The following DNM1 variants were observed in gnomAD, a reference collection of about 807,000 sequenced individuals.
DNM1 encodes the protein dynamin 1, also known as dynamin-1.
A neutral mutation model predicts 104.6 loss-of-function variants in DNM1; 29 were observed. That is an observed-to-expected ratio of 0.28 (90% CI 0.21 to 0.38). DNM1 has a LOEUF of 0.38. Ranked by LOEUF, DNM1 falls within the 10% of genes least tolerant of loss-of-function variation. The probability of loss-of-function intolerance (pLI) is 1.00; values close to 1 mark genes in which losing one functional copy is unlikely to be tolerated. For synonymous variants in DNM1, 445 were observed against 475.8 expected (o/e 0.94, Z 0.84); for missense variants, 640 against 1,189.4 (o/e 0.54, Z 6.79).
At chr9:128,212,709 C>G (rs1588331597) in intron 1 of DNM1, among the ~76,000 whole-genome samples, 1 of 152,218 alleles carries the variant, frequency 6.6e-6, no homozygotes, top group African/African-American at 2.4e-5. Flanking sequence ...ACTGATCACT[C>G]TGATTTCACA....
At position 128,227,952 on chromosome 9, in the gene DNM1, G is replaced by A. The variant is rs187201443; in HGVS notation, c.1335+3563G>A. 3.9e-5 allele frequency among the ~76,000 whole-genome samples: 6 copies of A among 152,042 alleles called. No homozygotes were observed. The East Asian group carries it at 5.8e-4, about 15-fold the overall frequency. ...CTGTAGGCTCAAACTGGGCTCAAGC[G>A]ATCCTCCCGCCTCAGCCTCCCAAGT... On this transcript the variant is annotated intron_variant, in intron 10 of 21. Coordinates refer to ENST00000372923, the MANE Select transcript of DNM1 (RefSeq NM_004408.4).
At chr9:128,213,711 C>A (rs780851816) in intron 1 of DNM1, among the ~76,000 whole-genome samples, 11 of 152,280 alleles carry the variant, frequency 7.2e-5, no homozygotes, top group Non-Finnish European at 7.3e-5. Context: ...GATGGTAGAG[C>A]TCATCTTCCA....
Position 128,222,540 on chromosome 9 carries a change from G to A in DNM1, c.1072G>A (p.Gly358Arg). The A allele has an allele frequency of 6.2e-7, 1 of 1,614,138 alleles. No individual in the cohort carries two copies. The highest frequency in any genetic ancestry group is 8.5e-7 in the Non-Finnish European group (1 of 1,180,000). The part of the protein sequence containing the change: ...GDQIDTYELS[G>R]GARINRIFHE... ...TCAGATCGACACCTACGAACTGTCAGGGGGAGCCCGCATTAACCGAATCTT... is the reference window on the plus strand; with the variant it reads ...TCAGATCGACACCTACGAACTGTCAAGGGGAGCCCGCATTAACCGAATCTT... The change falls in exon 8 of 22, where the codon GGG (glycine) becomes AGG (arginine). Residue 358 changes from glycine to arginine, a missense_variant. Transcript: ENST00000372923. This position sits in a 1 kb window ranked among gnomAD's most constrained non-coding sequence, Gnocchi z 7.8.
intron 1 of DNM1, among the ~76,000 whole-genome samples, chr9:128,207,896 C>G (rs961393459): frequency 2.0e-5 from 3 of 151,932 alleles, no homozygotes; most frequent in African/African-American, 7.3e-5. Context: ...TCTTCTCCAT[C>G]CAGGGTAGGG....
rs374054981 is a variant in DNM1, at chr9:128,240,985, A to C, written c.1557+989A>C. On this transcript the variant is annotated intron_variant, in intron 14 of 21. Coordinates refer to ENST00000372923, the MANE Select transcript of DNM1 (RefSeq NM_004408.4). The surrounding 1 kb of genome is among the most constrained non-coding windows in gnomAD (Gnocchi z 5.1). The stretch of plus-strand genomic sequence containing the variant: ...ATCTGCTGGTCACATCGTGGGACAC[A>C]GTGGACTCAATTCCAAAGACAGTGA... The C allele has an allele frequency of 1.2e-4, 19 of 152,596 alleles. No individual in the cohort carries two copies. Among genetic ancestry groups the C allele is most frequent in the African/African-American group, 4.6e-4 (19 of 41,574 alleles). 9.5% of individuals were successfully genotyped at this position (152,596 alleles called of 1,614,324 possible).
intron 10 of DNM1, chr9:128,232,688 C>G (rs1020699878): frequency 1.4e-4 from 22 of 152,572 alleles, no homozygotes; most frequent in African/African-American, 5.3e-4. Flanking sequence ...CCAGCTTTGC[C>G]CCATCGTGCT....
chr9:128,207,364 G>A (rs1834031773), intron 1 of DNM1, among the ~76,000 whole-genome samples: 1 of 152,068 alleles, frequency 6.6e-6, no homozygotes, highest in Middle Eastern at 3.2e-3. Context: ...CATCCTGGGG[G>A]TAAGTGTAGA....
At chr9:128,213,371 C>T (rs957391228) in intron 1 of DNM1, among the ~76,000 whole-genome samples, 2 of 152,046 alleles carry the variant, frequency 1.3e-5, no homozygotes, top group East Asian at 1.9e-4. Context: ...AGTGAGCCAC[C>T]GCACCTTGTC....
chr9:128,252,871 C>T (rs1374036277), intron 21 of DNM1: 1 of 684,988 alleles, frequency 1.5e-6, no homozygotes, highest in Admixed American at 2.0e-5. Context: ...TGCCCCAGAT[C>T]CATGCTGCAC....
At chr9:128,223,652 A>C (rs1588373503) in intron 9 of DNM1, 1 of 152,208 alleles carries the variant, frequency 6.6e-6, no homozygotes, top group Non-Finnish European at 1.5e-5. Context: ...ACGTTTGGCA[A>C]TTTTCAAGCC....
Position 128,254,182 on chromosome 9 carries a change from C to T in DNM1, c.2535-472C>T. 1 of 1,315,806 alleles carries T rather than the reference C, an allele frequency of 7.6e-7. No individual in the cohort carries two copies. The highest frequency in any genetic ancestry group is 2.4e-5 in the South Asian group (1 of 41,182). The allele number at this position is 1,315,806 out of a possible 1,614,324, so 81.5% of individuals were successfully genotyped here. A position where few individuals can be genotyped will look rare whatever the true frequency, so the allele number is the denominator to read the frequency against. On this transcript the variant is annotated intron_variant, in intron 21 of 21. Transcript: ENST00000372923. The surrounding 1 kb of genome is among the most constrained non-coding windows in gnomAD (Gnocchi z 6.1). ...ACACCCAGAGGGGCCTCCGGCGCTC[C>T]CTCCAGCCATCCCTTTTAGTTTCAC...
intron 21 of DNM1, chr9:128,252,905 T>C: frequency 1.4e-6 from 1 of 692,148 alleles, no homozygotes; most frequent in Non-Finnish European, 2.6e-6. Flanking sequence ...GTGAGGGTGC[T>C]GGGCACTGGG....
At chr9:128,207,191 C>T (rs927949261) in intron 1 of DNM1, among the ~76,000 whole-genome samples, 3 of 151,954 alleles carry the variant, frequency 2.0e-5, no homozygotes, top group African/African-American at 7.3e-5. Flanking sequence ...GGGTTTGGTT[C>T]TGAACATATT....
At chr9:128,219,887 G>A in intron 4 of DNM1, 101 bp from the exon 5 acceptor site, 9 of 861,914 alleles carry the variant, frequency 1.0e-5, no homozygotes, top group Non-Finnish European at 1.4e-5. Context: ...GCAGTGAGCA[G>A]GCAGGGGGCC....
At chr9:128,252,964 T>G (rs1829619194) in intron 21 of DNM1, 3 of 795,042 alleles carry the variant, frequency 3.8e-6, no homozygotes, top group East Asian at 5.0e-5. Flanking sequence ...GCATGTGTGT[T>G]AGCGTGTGCA....
chr9:128,221,039 CTCTTTCTTTCTCTCTTTCTCTCTT>C (rs1834986353), intron 6 of DNM1: 2 of 123,128 alleles, frequency 1.6e-5, no homozygotes, highest in African/African-American at 3.6e-5. Context: ...CTTTCTTTCT[CTCTTTCTTTCTCTCTTTCTCTCTT>C]TCTTTCTCTC....
chr9:128,236,390 T>G (rs1564343389), intron 11 of DNM1, among the ~76,000 whole-genome samples: 1 of 152,212 alleles, frequency 6.6e-6, no homozygotes, highest in African/African-American at 2.4e-5. Context: ...CATTCATGTT[T>G]TTGTTGTTGA....
chr9:128,247,538 G>T lies in DNM1; in HGVS notation c.1893+52G>T. The T allele has an allele frequency of 7.2e-7, 1 of 1,397,238 alleles. No individual in the cohort carries two copies. The highest frequency in any genetic ancestry group is 1.2e-5 in the South Asian group (1 of 83,538). The allele number at this position is 1,397,238 out of a possible 1,614,324, so 86.6% of individuals were successfully genotyped here. A position where few individuals can be genotyped will look rare whatever the true frequency, so the allele number is the denominator to read the frequency against. On this transcript the variant is annotated intron_variant, in intron 17 of 21. Transcript: ENST00000372923. This position sits in a 1 kb window ranked among gnomAD's most constrained non-coding sequence, Gnocchi z 5.1. ...GGCAAGCATGATCCTAGGGCCCCTG[G>T]GGCACCATCCTCAGTGATGCCAAGT...
chr9:128,236,791 G>A (rs1836041929), intron 11 of DNM1, among the ~76,000 whole-genome samples: 1 of 152,234 alleles, frequency 6.6e-6, no homozygotes, highest in African/African-American at 2.4e-5. Context: ...AGTGGAGGCT[G>A]CAGTGACCCA....
Sources: allele counts gnomAD v4.1 joint callset (sites outside exome capture counted in the v4.1 genomes callset), GRCh38; gene constraint gnomAD v4.1.1; non-coding constraint Gnocchi (gnomAD v3.1); transcripts MANE v1.5; gene names NCBI Gene and HGNC (gene_info 2026-07-23, HGNC 2026-07-21).